The following PSMG4 variants were observed in gnomAD, a reference collection of about 807,000 sequenced individuals.
The protein encoded by PSMG4 is proteasome (prosome, macropain) assembly chaperone 4.
A neutral mutation model predicts 11.0 loss-of-function variants in PSMG4; 10 were observed. The observed-to-expected ratio is 0.91, with a 90% CI of 0.56 to 1.54. PSMG4 has a LOEUF of 1.54. Ranked by LOEUF, PSMG4 falls within the 40% of genes most tolerant of loss-of-function variation. PSMG4 has a pLI of 0.00. For missense variants in PSMG4, 198 were observed against 160.9 expected (o/e 1.23, Z -1.25); for synonymous variants, 95 against 71.3 (o/e 1.33, Z -1.68).
In PSMG4 at chr6:3,268,040, T is replaced by A. The variant is rs1030660317; in HGVS notation, c.*328T>A. The A allele has an allele frequency of 3.1e-4, 62 of 200,440 alleles. No individual in the cohort carries two copies. The highest frequency in any genetic ancestry group is 1.4e-3 in the African/African-American group (61 of 43,332). The allele number at this position is 200,440 out of a possible 1,614,324, so 12.4% of individuals were successfully genotyped here. A position where few individuals can be genotyped will look rare whatever the true frequency, so the allele number is the denominator to read the frequency against. ...ATCCTCAATTAGAATTAAAGTGATG[T>A]ATAAATATGCTTTAGATTTGTGTGT... On this transcript the variant is annotated 3_prime_UTR_variant, in exon 3 of 3. Transcript: ENST00000438998.
Position 3,260,291 on chromosome 6 carries a change from A to ATATTTTTTTTTTTTT in PSMG4, c.174+1096_174+1097insATTTTTTTTTTTTTT. ...TGTCTTAAATTGTATATATATATAT[A>ATATTTTTTTTTTTTT]TTTTTTTTTTTTTTTTTTGAAGCAA... On this transcript the variant is annotated intron_variant, in intron 1 of 2. Coordinates refer to ENST00000438998, the MANE Select transcript of PSMG4 (RefSeq NM_001128591.2). Among the ~76,000 whole-genome samples the ATATTTTTTTTTTTTT allele has an allele frequency of 8.5e-5, 6 of 70,840 alleles. 1 individual carries two copies. Among genetic ancestry groups the ATATTTTTTTTTTTTT allele is most frequent in the Admixed American group, 2.1e-4 (1 of 4,742 alleles). 46.5% of individuals were successfully genotyped at this position (70,840 alleles called of 152,430 possible). A position where few individuals can be genotyped will look rare whatever the true frequency, so the allele number is the denominator to read the frequency against.
chr6:3,267,634 G>A lies in PSMG4; in HGVS notation c.294G>A (p.Gln98=). 6.4e-7 allele frequency: 1 copy of A among 1,552,084 alleles called. No homozygotes were observed. Among genetic ancestry groups the A allele is most frequent in the Non-Finnish European group, 8.7e-7 (1 of 1,147,032 alleles). ...NKQVFVSYNL[Q]NTDSNFALLV... The stretch of plus-strand genomic sequence containing the variant: ...AGGTGTTTGTCAGCTATAACCTTCA[G>A]AACACAGACAGTAACTTCGCATTAC... The change falls in exon 3 of 3, where the codon CAG becomes CAA. Residue 98 remains glutamine (Q), a synonymous_variant. Transcript: ENST00000438998.
chr6:3,256,278 T>G (rs1428988432), upstream of PSMG4, among the ~76,000 whole-genome samples: 1 of 152,134 alleles, frequency 6.6e-6, no homozygotes, highest in Non-Finnish European at 1.5e-5. Flanking sequence ...AATTTCTAGG[T>G]ATATATATCC....
intron 1 of PSMG4, among the ~76,000 whole-genome samples, chr6:3,260,281 A>ATT: frequency 3.1e-5 from 1 of 32,556 alleles, no homozygotes; most frequent in African/African-American, 1.9e-4. Context: ...TAAATTGTAT[A>ATT]TATATATATA....
chr6:3,264,011 G>A, intron 2 of PSMG4: 1 of 1,335,020 alleles, frequency 7.5e-7, no homozygotes, highest in South Asian at 1.5e-5. Flanking sequence ...GTGTGTCCTT[G>A]AGTCCATGAG....
chr6:3,254,845 C>G (rs891609508), upstream of PSMG4, among the ~76,000 whole-genome samples: 3 of 152,200 alleles, frequency 2.0e-5, no homozygotes, highest in Non-Finnish European at 2.9e-5. Context: ...TTAGAAAACA[C>G]TTTAACTCAG....
upstream of PSMG4, among the ~76,000 whole-genome samples, chr6:3,257,441 C>T (rs1384122022): frequency 1.3e-5 from 2 of 152,196 alleles, no homozygotes; most frequent in Admixed American, 6.5e-5. Context: ...GCCTTGAACT[C>T]TCCACCGGTC....
rs1260008126 is a variant in PSMG4 at position 3,267,731 on chromosome 6, A to T, written c.*19A>T. 2.6e-6 allele frequency: 4 copies of T among 1,550,594 alleles called. 1 individual carries two copies. The highest frequency in any genetic ancestry group is 3.5e-6 in the Non-Finnish European group (4 of 1,146,118). On this transcript the variant is annotated 3_prime_UTR_variant, in exon 3 of 3. Coordinates refer to ENST00000438998, the MANE Select transcript of PSMG4 (RefSeq NM_001128591.2). ...GTTCTAGCTGAGTGGCAGAAGTGAG[A>T]ATTTGTAAACTTATGTACAATGTAC...
In PSMG4 at chr6:3,267,975, T is replaced by G. The variant is rs1758260509; in HGVS notation, c.*263T>G. The G allele has an allele frequency of 9.3e-6, 3 of 324,194 alleles. No individual in the cohort carries two copies. The highest frequency in any genetic ancestry group is 4.3e-5 in the African/African-American group (2 of 46,874). The allele number at this position is 324,194 out of a possible 1,614,324, so 20.1% of individuals were successfully genotyped here. ...TGGGATTTTTGTTGGGATTGAAGAC[T>G]GTAATCTAAGAGTTTCAATCAGACA... On this transcript the variant is annotated 3_prime_UTR_variant, in exon 3 of 3. Transcript: ENST00000438998.
At chr6:3,258,863 C>A, upstream of PSMG4, 1 of 648,744 alleles carries the variant, frequency 1.5e-6, no homozygotes. Context: ...CAACCCAAGC[C>A]CGGGATCGCC....
At chr6:3,267,548 A>C in intron 2 of PSMG4, 43 bp from the exon 3 acceptor site, 1 of 1,545,302 alleles carries the variant, frequency 6.5e-7, no homozygotes, top group Non-Finnish European at 8.8e-7. Flanking sequence ...CGGGGCCTGC[A>C]GTATTTCAGG....
intron 1 of PSMG4, 101 bp downstream of exon 1, chr6:3,259,297 G>A: frequency 2.8e-6 from 3 of 1,078,520 alleles, no homozygotes; most frequent in African/African-American, 1.6e-5. Context: ...GGGTCCACAG[G>A]GCGCCCTACT....
intron 2 of PSMG4, chr6:3,267,009 CCA>C (rs1465767862): frequency 6.6e-6 from 1 of 151,088 alleles, no homozygotes; most frequent in Non-Finnish European, 1.5e-5. Context: ...GCGCCCGCCA[CCA>C]TGCCCGGCTA....
In PSMG4 at chr6:3,262,802, T is replaced by C. The variant is rs1448022489; in HGVS notation, c.175-882T>C. ...ATATTACCAATAAGTGTTTTTTTTT[T>C]CCCCCTTTGGAAGCTAGACCTTCTT... is the stretch of plus-strand genomic sequence containing the variant. On this transcript the variant is annotated intron_variant, in intron 1 of 2. Transcript: ENST00000438998. Among the ~76,000 whole-genome samples the C allele has an allele frequency of 7.7e-4, 115 of 149,508 alleles. 1 individual carries two copies. The highest frequency in any genetic ancestry group is 5.5e-3 in the South Asian group (26 of 4,758).
At chr6:3,267,288 G>A in intron 2 of PSMG4, 1 of 248,586 alleles carries the variant, frequency 4.0e-6, no homozygotes, top group South Asian at 6.7e-5. Context: ...CCCAAATCCT[G>A]GCTTTCTGGG....
chr6:3,264,438 G>C, intron 2 of PSMG4: 1 of 1,446,676 alleles, frequency 6.9e-7, no homozygotes, highest in East Asian at 2.5e-5. Context: ...AGCTGCTTCT[G>C]CTCTGGAGTC....
At chr6:3,264,325 G>A in intron 2 of PSMG4, 1 of 1,549,858 alleles carries the variant, frequency 6.5e-7, no homozygotes, top group Non-Finnish European at 8.7e-7. Flanking sequence ...CTGTGGGCCA[G>A]GTAAGGCTTC....
upstream of PSMG4, chr6:3,258,899 C>T (rs539791068): frequency 1.0e-6 from 1 of 984,626 alleles, no homozygotes; most frequent in Non-Finnish European, 1.3e-6. Flanking sequence ...CCCTCACCCC[C>T]GCCCTTCCGG....
chr6:3,258,892 T>C, upstream of PSMG4: 1 of 927,608 alleles, frequency 1.1e-6, no homozygotes, highest in Non-Finnish European at 1.4e-6. Context: ...ACCACGCCCC[T>C]CACCCCCGCC....
Sources: gnomAD v4.1 joint callset for allele counts (sites outside exome capture counted in the v4.1 genomes callset) on GRCh38, gnomAD v4.1.1 for gene constraint, MANE v1.5 for transcripts, NCBI Gene and HGNC (gene_info 2026-07-23, HGNC 2026-07-21) for gene names.